MAML3: variants seen among roughly 807,000 people sequenced by gnomAD.
MAML3 encodes the protein mastermind-like protein 3.
Under a neutral mutation model 101.9 loss-of-function variants are expected in MAML3, and 27 were observed. The observed-to-expected ratio is 0.27, with a 90% CI of 0.20 to 0.37. The LOEUF (loss-of-function observed/expected upper bound fraction) is 0.37, where lower values mean the gene tolerates loss of function less well. MAML3 is among the 10% of genes least tolerant of loss of function. The probability of loss-of-function intolerance (pLI) is 1.00; values close to 1 mark genes in which losing one functional copy is unlikely to be tolerated. For synonymous variants in MAML3, 501 were observed against 555.9 expected, an observed-to-expected ratio of 0.90 and a Z score of 1.39; for missense variants, 1,316 against 1,444.9, an observed-to-expected ratio of 0.91 and a Z score of 1.45.
intron 1 of MAML3, among the ~76,000 whole-genome samples, chr4:139,961,146 A>T (rs1235744973): frequency 1.3e-5 from 2 of 152,188 alleles, no homozygotes; most frequent in African/African-American, 4.8e-5. Flanking sequence ...CTCTCTGGGG[A>T]AACAACATGG....
chr4:139,845,083 ATACT>A (rs978617251), intron 2 of MAML3, among the ~76,000 whole-genome samples: 5 of 152,182 alleles, frequency 3.3e-5, no homozygotes, highest in African/African-American at 7.2e-5. Flanking sequence ...TTGCAGTCCA[ATACT>A]TACTAAAGCC....
At chr4:139,842,174 G>A (rs1224571139) in intron 2 of MAML3, among the ~76,000 whole-genome samples, 3 of 152,216 alleles carry the variant, frequency 2.0e-5, no homozygotes, top group African/African-American at 7.2e-5. Context: ...CCCACACGGA[G>A]TACAGATCAA....
intron 1 of MAML3, among the ~76,000 whole-genome samples, chr4:140,026,483 A>G (rs1158886076): frequency 2.0e-5 from 3 of 152,070 alleles, no homozygotes; most frequent in East Asian, 1.9e-4. Context: ...CAAACTCCTG[A>G]CCTCAAGTAC....
intron 2 of MAML3, among the ~76,000 whole-genome samples, chr4:139,787,596 G>A (rs1274136401): frequency 3.9e-5 from 6 of 152,138 alleles, no homozygotes; most frequent in Non-Finnish European, 8.8e-5. Flanking sequence ...TAGCACTAAT[G>A]TTTTATATGT....
chr4:139,722,129 A>G (rs981270291), intron 4 of MAML3, among the ~76,000 whole-genome samples: 8 of 152,216 alleles, frequency 5.3e-5, no homozygotes, highest in African/African-American at 1.9e-4. Context: ...GTCTGGAATA[A>G]TTTTGTGAAT....
intron 2 of MAML3, among the ~76,000 whole-genome samples, chr4:139,871,108 A>C (rs956152011): frequency 6.6e-6 from 1 of 152,072 alleles, no homozygotes; most frequent in Admixed American, 6.5e-5. Flanking sequence ...TCATTTTTTC[A>C]TGGTCATTAG....
intron 1 of MAML3, among the ~76,000 whole-genome samples, chr4:140,028,699 C>G (rs1726863925): frequency 6.6e-6 from 1 of 152,132 alleles, no homozygotes; most frequent in South Asian, 2.1e-4. Flanking sequence ...ATCAATAGCT[C>G]AGACATTTGA....
At chr4:140,088,586 T>C (rs1727995285) in intron 1 of MAML3, among the ~76,000 whole-genome samples, 1 of 152,204 alleles carries the variant, frequency 6.6e-6, no homozygotes, top group Non-Finnish European at 1.5e-5. Context: ...AGGAACTTCC[T>C]ATAGTACAGC....
Position 139,717,432 on chromosome 4 carries a change from T to G in MAML3, c.*1891A>C, listed in dbSNP as rs554138539. 1 of 152,388 alleles carries G rather than the reference T, an allele frequency of 6.6e-6. No homozygotes were observed. The highest frequency in any genetic ancestry group is 1.5e-5 in the Non-Finnish European group (1 of 68,040). The allele number at this position is 152,388 out of a possible 1,614,324, so 9.4% of individuals were successfully genotyped here. ...CACTCAGTTTCCCCAGTGGCATCAC[T>G]CCCCATTTGGGGAGTTCAGGGTCAC... On this transcript the variant is annotated 3_prime_UTR_variant, in exon 5 of 5. Transcript: ENST00000509479.
intron 1 of MAML3, among the ~76,000 whole-genome samples, chr4:139,966,842 T>G (rs752300120): frequency 1.3e-5 from 2 of 152,188 alleles, no homozygotes; most frequent in African/African-American, 2.4e-5. Flanking sequence ...TGGACCTTCT[T>G]GAATGACTGC....
At chr4:140,073,854 C>T (rs995147947) in intron 1 of MAML3, among the ~76,000 whole-genome samples, 5 of 151,862 alleles carry the variant, frequency 3.3e-5, no homozygotes, top group Non-Finnish European at 5.9e-5. Context: ...GGACACGTGG[C>T]CAGGTGTGGT....
intron 1 of MAML3, among the ~76,000 whole-genome samples, chr4:139,952,563 A>G (rs1422961985): frequency 6.6e-6 from 1 of 152,186 alleles, no homozygotes; most frequent in Non-Finnish European, 1.5e-5. Context: ...CAGTTAAAAA[A>G]AAACAAAACC....
At chr4:139,982,245 G>T (rs1320934699) in intron 1 of MAML3, among the ~76,000 whole-genome samples, 2 of 151,994 alleles carry the variant, frequency 1.3e-5, no homozygotes, top group Non-Finnish European at 2.9e-5. Flanking sequence ...TATTTATTTT[G>T]CTCAGATTGT....
intron 4 of MAML3, among the ~76,000 whole-genome samples, chr4:139,720,548 T>C (rs1487253790): frequency 6.6e-6 from 1 of 152,260 alleles, no homozygotes; most frequent in Non-Finnish European, 1.5e-5. Context: ...TAAAGTCACC[T>C]GAAATCCCAC....
chr4:139,999,005 C>CT (rs1734871623), intron 1 of MAML3, among the ~76,000 whole-genome samples: 1 of 152,172 alleles, frequency 6.6e-6, no homozygotes, highest in Non-Finnish European at 1.5e-5. Flanking sequence ...GGTGCACACT[C>CT]TAAGTTCAGG....
chr4:140,069,419 GGGGAAGGAGGAGAAGGAGGA>G (rs1727598760), intron 1 of MAML3, among the ~76,000 whole-genome samples: 24 of 74,048 alleles, frequency 3.2e-4, no homozygotes, highest in Middle Eastern at 7.8e-3. Flanking sequence ...AGGAGGAGGA[GGGGAAGGAGGAGAAGGAGGA>G]GAAGGAGGAG....
intron 1 of MAML3, among the ~76,000 whole-genome samples, chr4:140,032,786 T>C (rs557796758): frequency 1.3e-5 from 2 of 152,186 alleles, no homozygotes; most frequent in South Asian, 4.1e-4. Context: ...TCAATTTTTA[T>C]TCTTCTGCCT....
chr4:140,091,911 G>C (rs777414702), intron 1 of MAML3, among the ~76,000 whole-genome samples: 5 of 151,890 alleles, frequency 3.3e-5, no homozygotes, highest in Admixed American at 3.3e-4. Context: ...CCCACTCTGA[G>C]CAGGTAAAAC....
intron 1 of MAML3, among the ~76,000 whole-genome samples, chr4:140,152,184 C>A (rs1233262251): frequency 6.6e-6 from 1 of 152,162 alleles, no homozygotes; most frequent in Non-Finnish European, 1.5e-5. Context: ...ACCCGCGCCC[C>A]GCATCCGCGC....
Sources: allele counts gnomAD v4.1 joint callset (sites outside exome capture counted in the v4.1 genomes callset), GRCh38; gene constraint gnomAD v4.1.1; transcripts MANE v1.5; gene names NCBI Gene and HGNC (gene_info 2026-07-23, HGNC 2026-07-21).